Variants in ZCCHC4 observed in about 807,000 individuals in gnomAD.
ZCCHC4 encodes rRNA N(6)-adenosine-methyltransferase ZCCHC4.
In ZCCHC4, 54 loss-of-function variants were observed where a neutral mutation model predicts 67.7. That is an observed-to-expected ratio of 0.80 (90% CI 0.64 to 1.00). The LOEUF (loss-of-function observed/expected upper bound fraction) is 1.00. Among genes scored for constraint, ZCCHC4 ranks in the 50% least tolerant of loss-of-function variants. The pLI, the probability that ZCCHC4 is intolerant of heterozygous loss-of-function variation, is 0.00. For synonymous variants in ZCCHC4, 198 were observed against 213.5 expected (o/e 0.93, Z 0.63); for missense variants, 609 against 617.0 (o/e 0.99, Z 0.14).
intron 9 of ZCCHC4, 96 bp from the exon 10 acceptor site, chr4:25,362,130 T>A: frequency 6.9e-7 from 1 of 1,445,922 alleles, no homozygotes; most frequent in Non-Finnish European, 9.4e-7. Flanking sequence ...GAATTCAGAT[T>A]GCACCCAGTT....
chr4:25,360,485 CAT>C lies in ZCCHC4; in HGVS notation c.1012-1371_1012-1370del, dbSNP rs539636462. On this transcript the variant is annotated intron_variant, in intron 8 of 12. Transcript: ENST00000302874. ...ATTGATAAAGAAGCAGTTCATAACTCATATGCTGCCGTTCAGATTCATGAGAG... is the reference window on the plus strand; with the variant it reads ...ATTGATAAAGAAGCAGTTCATAACTCATGCTGCCGTTCAGATTCATGAGAG... 3.9e-5 allele frequency among the ~76,000 whole-genome samples: 6 copies of C among 152,362 alleles called. No individual in the cohort carries two copies. In the East Asian group the frequency reaches 7.7e-4, roughly 20 times the overall value.
intron 4 of ZCCHC4, among the ~76,000 whole-genome samples, chr4:25,333,661 G>C (rs940728455): frequency 1.2e-4 from 19 of 152,206 alleles, no homozygotes; most frequent in African/African-American, 4.6e-4. Flanking sequence ...TCTGATGCAT[G>C]AGAGAAGATT....
At chr4:25,335,927 A>G (rs1028925866) in intron 5 of ZCCHC4, among the ~76,000 whole-genome samples, 5 of 152,198 alleles carry the variant, frequency 3.3e-5, no homozygotes, top group African/African-American at 9.6e-5. Flanking sequence ...TGTTGACAGC[A>G]CTAGCACACT....
At chr4:25,346,446 A>G (rs1280303382) in intron 6 of ZCCHC4, among the ~76,000 whole-genome samples, 1 of 152,206 alleles carries the variant, frequency 6.6e-6, no homozygotes, top group Admixed American at 6.5e-5. Context: ...ATACCCATAA[A>G]TATATGCATA....
At chr4:25,361,074 C>G (rs1333053336) in intron 8 of ZCCHC4, among the ~76,000 whole-genome samples, 1 of 152,208 alleles carries the variant, frequency 6.6e-6, no homozygotes, top group African/African-American at 2.4e-5. Flanking sequence ...CCCTGGGGGC[C>G]AGGCCATGTG....
chr4:25,337,548 A>G (rs1037958812), intron 5 of ZCCHC4, among the ~76,000 whole-genome samples: 2 of 152,166 alleles, frequency 1.3e-5, no homozygotes, highest in Non-Finnish European at 2.9e-5. Flanking sequence ...CAGAGCCATC[A>G]CTGTGGCCTG....
chr4:25,362,955 T>C (rs1720808742), intron 10 of ZCCHC4, among the ~76,000 whole-genome samples: 1 of 152,140 alleles, frequency 6.6e-6, no homozygotes, highest in Non-Finnish European at 1.5e-5. Context: ...TCTCCCCAAC[T>C]AGCAGCATCT....
chr4:25,324,014 G>GGTGTTTTTTTTTT (rs777768505), intron 3 of ZCCHC4, among the ~76,000 whole-genome samples: 1 of 82,448 alleles, frequency 1.2e-5, no homozygotes, highest in Admixed American at 1.7e-4. Context: ...TGTTTTTTGT[G>GGTGTTTTTTTTTT]TTTTTTTTTT....
At chr4:25,362,148 T>G in intron 9 of ZCCHC4, 78 bp from the exon 10 acceptor site, 1 of 1,472,020 alleles carries the variant, frequency 6.8e-7, no homozygotes, top group South Asian at 1.2e-5. Context: ...GTTTTTGTAA[T>G]GAGTGCTTTG....
rs1052796664 is a variant in ZCCHC4 at position 25,359,687 on chromosome 4, C to T, written c.1012-2172C>T. Among the ~76,000 whole-genome samples, 2 of 152,182 alleles carry T rather than the reference C, an allele frequency of 1.3e-5. No individual in the cohort carries two copies. The highest frequency in any genetic ancestry group is 4.8e-5 in the African/African-American group (2 of 41,438). ...ACTAGGAGAGAATTGATAAGCAGCC[C>T]AGTGAACTTTGTGGAGACAGTTGTT... On this transcript the variant is annotated intron_variant, in intron 8 of 12. Transcript: ENST00000302874. This position sits in a 1 kb window ranked among gnomAD's most constrained non-coding sequence, Gnocchi z 4.9.
Position 25,333,170 on chromosome 4 carries a change from T to A in ZCCHC4, c.330-13T>A, listed in dbSNP as rs1719270694. The A allele has an allele frequency of 6.2e-7, 1 of 1,600,024 alleles. No homozygotes were observed. The highest frequency in any genetic ancestry group is 1.3e-5 in the African/African-American group (1 of 74,204). ...TTAAAATATATTTCTTTGTGTTTTATTTTGTCTTGAAGGTACTTGAAGTTT... is the reference window on the plus strand; with the variant it reads ...TTAAAATATATTTCTTTGTGTTTTAATTTGTCTTGAAGGTACTTGAAGTTT... On this transcript the variant is annotated splice_polypyrimidine_tract_variant and intron_variant, in intron 3 of 12. Coordinates refer to ENST00000302874, the MANE Select transcript of ZCCHC4 (RefSeq NM_024936.3).
In ZCCHC4 at chr4:25,324,014, G is replaced by GTTTTTTGTTTTT. The variant is rs1553895907; in HGVS notation, c.329+8620_329+8621insGTTTTTTTTTTT. Among the ~76,000 whole-genome samples, 259 of 82,416 alleles carry GTTTTTTGTTTTT rather than the reference G, an allele frequency of 3.1e-3. 28 individuals carry two copies. Among genetic ancestry groups the GTTTTTTGTTTTT allele is most frequent in the African/African-American group, 0.013 (252 of 19,162 alleles). 54.1% of individuals were successfully genotyped at this position (82,416 alleles called of 152,430 possible). On this transcript the variant is annotated intron_variant, in intron 3 of 12. Transcript: ENST00000302874. ...TCGTACAGTATGTACTGTTTTTTGTGTTTTTTTTTTTTTTTTGAGACAGAG... is the reference window on the plus strand; with the variant it reads ...TCGTACAGTATGTACTGTTTTTTGTGTTTTTTGTTTTTTTTTTTTTTTTTTTTTGAGACAGAG...
At chr4:25,355,532 C>T (rs979708803) in intron 8 of ZCCHC4, among the ~76,000 whole-genome samples, 1 of 152,134 alleles carries the variant, frequency 6.6e-6, no homozygotes, top group Non-Finnish European at 1.5e-5. Flanking sequence ...ATGTTCTGCT[C>T]TCTCTTGTAT....
intron 3 of ZCCHC4, among the ~76,000 whole-genome samples, chr4:25,317,629 T>C (rs1167417594): frequency 7.0e-6 from 1 of 143,474 alleles, no homozygotes; most frequent in Non-Finnish European, 1.5e-5. Flanking sequence ...GAGAATCGCT[T>C]GAACCTGGGA....
At chr4:25,319,396 AAAAAG>A (rs1718458592) in intron 3 of ZCCHC4, among the ~76,000 whole-genome samples, 2 of 152,082 alleles carry the variant, frequency 1.3e-5, no homozygotes, top group African/African-American at 4.8e-5. Context: ...AAGAAAAAAA[AAAAAG>A]AAAGAAAAGG....
At chr4:25,349,686 T>G (rs758184381) in intron 7 of ZCCHC4, 44 bp downstream of exon 7, 2 of 1,582,566 alleles carry the variant, frequency 1.3e-6, no homozygotes. Context: ...TCTATATATC[T>G]ACTTCCTGTC....
At chr4:25,334,190 C>G (rs957498157) in intron 5 of ZCCHC4, among the ~76,000 whole-genome samples, 1 of 152,128 alleles carries the variant, frequency 6.6e-6, no homozygotes, top group African/African-American at 2.4e-5. Context: ...TCTCCTTTTG[C>G]TGGTGGGCTT....
intron 5 of ZCCHC4, among the ~76,000 whole-genome samples, chr4:25,343,815 T>C (rs1211477359): frequency 6.6e-6 from 1 of 152,144 alleles, no homozygotes. Context: ...GGTAACTGAG[T>C]AGAAATACAA....
intron 10 of ZCCHC4, among the ~76,000 whole-genome samples, chr4:25,364,139 T>A (rs1187904438): frequency 1.3e-5 from 2 of 152,236 alleles, no homozygotes; most frequent in Non-Finnish European, 2.9e-5. Context: ...AATCATTAAT[T>A]CTCTTGAAAT....
Sources: gnomAD v4.1 joint callset for allele counts (sites outside exome capture counted in the v4.1 genomes callset) on GRCh38, gnomAD v4.1.1 for gene constraint, Gnocchi (gnomAD v3.1) non-coding constraint, MANE v1.5 for transcripts, NCBI Gene and HGNC (gene_info 2026-07-23, HGNC 2026-07-21) for gene names.